Variants in TEKT1 observed in about 807,000 individuals in gnomAD.
The protein encoded by TEKT1 is tektin-1.
In TEKT1, 32 loss-of-function variants were observed where a neutral mutation model predicts 34.8. The ratio of observed to expected loss-of-function variants is 0.92; its 90% confidence interval spans 0.69 to 1.23. TEKT1 has a LOEUF of 1.23. Among genes scored for constraint, TEKT1 ranks in the 50% most tolerant of loss-of-function variants. TEKT1 has a pLI of 0.00. For synonymous variants in TEKT1, 207 were observed against 199.8 expected (o/e 1.04, Z -0.30); for missense variants, 492 against 518.5 (o/e 0.95, Z 0.50).
intron 1 of TEKT1, among the ~76,000 whole-genome samples, 151 bp downstream of exon 1, chr17:6,831,498 C>G (rs374937029): frequency 5.3e-5 from 8 of 152,274 alleles, no homozygotes; most frequent in African/African-American, 1.7e-4. Flanking sequence ...AGTGTGGAGC[C>G]CAGCATTTAA....
chr17:6,826,625 TA>T (rs1474983864), intron 2 of TEKT1, among the ~76,000 whole-genome samples: 3 of 58,934 alleles, frequency 5.1e-5, no homozygotes, highest in Admixed American at 1.6e-4. Context: ...TGCAGATAGA[TA>T]GATAGATAGA....
At chr17:6,829,018 G>T (rs993845269) in intron 2 of TEKT1, among the ~76,000 whole-genome samples, 2 of 152,052 alleles carry the variant, frequency 1.3e-5, no homozygotes, top group Non-Finnish European at 2.9e-5. Context: ...GGGTGTGATG[G>T]TGCACGCCTG....
At position 6,810,384 on chromosome 17, in the gene TEKT1, A is replaced by G. The variant is rs1297876479; in HGVS notation, c.852+2447T>C. On this transcript the variant is annotated intron_variant, in intron 6 of 7. Transcript: ENST00000338694. Reference sequence around the variant, plus strand: ...TTTGGATAACAATTCTTTATCAGATATGTATTTTGCAAGTATTTTATCCCA... The same window carrying G: ...TTTGGATAACAATTCTTTATCAGATGTGTATTTTGCAAGTATTTTATCCCA... 2.6e-5 allele frequency among the ~76,000 whole-genome samples: 4 copies of G among 152,196 alleles called. No individual in the cohort carries two copies. The East Asian group carries it at 5.8e-4, about 22-fold the overall frequency.
intron 6 of TEKT1, among the ~76,000 whole-genome samples, chr17:6,802,010 T>C (rs1348808427): frequency 3.3e-5 from 5 of 152,250 alleles, no homozygotes; most frequent in Admixed American, 6.5e-5. Flanking sequence ...CTTAAATATT[T>C]GAGTGTGTAT....
chr17:6,816,147 T>A (rs1977005510), intron 3 of TEKT1, among the ~76,000 whole-genome samples, 185 bp from the exon 4 acceptor site: 1 of 152,208 alleles, frequency 6.6e-6, no homozygotes, highest in Non-Finnish European at 1.5e-5. Context: ...CCAAACACAA[T>A]GAAGAAAAAT....
rs764833328 is a variant in TEKT1 at position 6,800,808 on chromosome 17, G to A, written c.988C>T (p.Arg330Cys). The A allele has an allele frequency of 1.6e-5, 26 of 1,614,024 alleles. No individual in the cohort carries two copies. In the East Asian group the frequency reaches 3.3e-4, roughly 21 times the overall value. Residue 330 changes from arginine (R) to cysteine (C), a missense_variant, in exon 7 of 8, where the codon CGT becomes TGT. Arg to Cys is a radical substitution (Grantham distance 180). Coordinates refer to ENST00000338694, the MANE Select transcript of TEKT1 (RefSeq NM_053285.2). ...RTHRPNVELC[R>C]DVAQYRLMKE... ...ATTAGCCTATATTGTGCGACATCAC[G>A]ACACAGCTCCACGTTCGGCCGGTGT... is the stretch of plus-strand genomic sequence containing the variant.
At chr17:6,808,983 T>C (rs1976888057) in intron 6 of TEKT1, among the ~76,000 whole-genome samples, 1 of 152,192 alleles carries the variant, frequency 6.6e-6, no homozygotes, top group South Asian at 2.1e-4. Flanking sequence ...AAATAAGATT[T>C]TTTTTAAGTA....
At chr17:6,808,192 G>A (rs572767480) in intron 6 of TEKT1, among the ~76,000 whole-genome samples, 3 of 152,206 alleles carry the variant, frequency 2.0e-5, no homozygotes, top group African/African-American at 7.2e-5. Context: ...CAGCCTGGCT[G>A]CCACCTTGCA....
At chr17:6,802,108 C>T (rs1203598598) in intron 6 of TEKT1, among the ~76,000 whole-genome samples, 1 of 152,162 alleles carries the variant, frequency 6.6e-6, no homozygotes, top group Non-Finnish European at 1.5e-5. Flanking sequence ...TATTCTTTAA[C>T]ATTATAATAA....
At chr17:6,820,755 C>T (rs1408046341) in intron 2 of TEKT1, among the ~76,000 whole-genome samples, 4 of 152,180 alleles carry the variant, frequency 2.6e-5, no homozygotes, top group Non-Finnish European at 5.9e-5. Flanking sequence ...ATCCCCTTCA[C>T]TCTTCTCCTG....
At chr17:6,804,945 C>T (rs1043247739) in intron 6 of TEKT1, among the ~76,000 whole-genome samples, 8 of 152,214 alleles carry the variant, frequency 5.3e-5, no homozygotes, top group African/African-American at 1.7e-4. Context: ...GTGTCTCTGC[C>T]TGGCTTTGGT....
intron 2 of TEKT1, among the ~76,000 whole-genome samples, chr17:6,820,371 A>T (rs1354300535): frequency 6.6e-6 from 1 of 151,898 alleles, no homozygotes; most frequent in Non-Finnish European, 1.5e-5. Context: ...CTAGGAAAAC[A>T]ATTAAATATA....
rs539484210 is a variant in TEKT1 at position 6,822,227 on chromosome 17, C to G, written c.191-2869G>C. 1.7e-4 allele frequency among the ~76,000 whole-genome samples: 26 copies of G among 152,282 alleles called. No individual in the cohort carries two copies. In the East Asian group the frequency reaches 5.0e-3, roughly 29 times the overall value. ...CCATAGCTCACTGTAACTTTGAACT[C>G]CTGGGCTCAGGAGATCCTCCCACCT... On this transcript the variant is annotated intron_variant, in intron 2 of 7. Coordinates refer to ENST00000338694, the MANE Select transcript of TEKT1 (RefSeq NM_053285.2).
intron 6 of TEKT1, among the ~76,000 whole-genome samples, chr17:6,807,813 G>C (rs923885879): frequency 1.3e-5 from 2 of 152,186 alleles, no homozygotes; most frequent in African/African-American, 4.8e-5. Context: ...GTTGCTGCCT[G>C]ATTGTTCCTC....
At position 6,830,388 on chromosome 17, in the gene TEKT1, A is replaced by G. The variant is rs1904543463; in HGVS notation, c.-12T>C. ...AATAGTTTAGCCATTTGAGGTTTCC[A>G]AATTCCTGATCAAAAGCAGACTCTT... On this transcript the variant is annotated 5_prime_UTR_variant, in exon 2 of 8. Coordinates refer to ENST00000338694, the MANE Select transcript of TEKT1 (RefSeq NM_053285.2). 6.5e-7 allele frequency: 1 copy of G among 1,547,684 alleles called. No homozygotes were observed. Among genetic ancestry groups the G allele is most frequent in the African/African-American group, 1.4e-5 (1 of 71,696 alleles).
chr17:6,806,976 G>A (rs1429551648), intron 6 of TEKT1, among the ~76,000 whole-genome samples: 1 of 152,092 alleles, frequency 6.6e-6, no homozygotes, highest in Non-Finnish European at 1.5e-5. Context: ...GAGTATCTTT[G>A]TGGCATTCTC....
intron 2 of TEKT1, among the ~76,000 whole-genome samples, chr17:6,827,652 G>A (rs1904448946): frequency 6.6e-6 from 1 of 152,112 alleles, no homozygotes; most frequent in African/African-American, 2.4e-5. Context: ...ATTTTCATTG[G>A]CATTGCATTG....
chr17:6,821,745 G>A (rs945084080), intron 2 of TEKT1, among the ~76,000 whole-genome samples: 3 of 152,158 alleles, frequency 2.0e-5, no homozygotes, highest in African/African-American at 7.2e-5. Flanking sequence ...ACAGTGATAT[G>A]GACAATGAAG....
intron 6 of TEKT1, 115 bp downstream of exon 6, chr17:6,812,716 T>G (rs1567678683): frequency 3.0e-6 from 3 of 1,010,768 alleles, no homozygotes; most frequent in Non-Finnish European, 2.9e-6. Flanking sequence ...ACCCACGAGT[T>G]AACCCAATAT....
Sources: gnomAD v4.1 joint callset for allele counts (sites outside exome capture counted in the v4.1 genomes callset) on GRCh38, gnomAD v4.1.1 for gene constraint, MANE v1.5 for transcripts, NCBI Gene and HGNC (gene_info 2026-07-23, HGNC 2026-07-21) for gene names.